HLTF: variants seen among roughly 807,000 people sequenced by gnomAD.
The protein encoded by HLTF is DNA-dependent ATPase/E3 ubiquitin-protein ligase HLTF.
HLTF carries 127 observed loss-of-function variants against 129.4 expected under a neutral mutation model. The ratio of observed to expected loss-of-function variants is 0.98; its 90% confidence interval spans 0.85 to 1.14. The LOEUF (loss-of-function observed/expected upper bound fraction) is 1.14, where lower values mean the gene tolerates loss of function less well. HLTF is among the 50% of genes most tolerant of loss of function. The pLI is 0.00. For missense variants in HLTF, 1,139 were observed against 1,187.1 expected (o/e 0.96, Z 0.60); for synonymous variants, 332 against 388.8 (o/e 0.85, Z 1.72).
intron 14 of HLTF, among the ~76,000 whole-genome samples, chr3:149,053,041 T>C (rs1717127203): frequency 2.0e-5 from 3 of 152,192 alleles, no homozygotes; most frequent in Admixed American, 6.5e-5. Context: ...AGAAGTAGGA[T>C]TGGTACCCAG....
chr3:149,044,578 G>C (rs971997906), intron 18 of HLTF, among the ~76,000 whole-genome samples: 2 of 151,856 alleles, frequency 1.3e-5, no homozygotes, highest in African/African-American at 4.8e-5. Flanking sequence ...CTTTGAACTC[G>C]ACTCTCCTAT....
In HLTF at chr3:149,060,671, T is replaced by C. The variant is rs1389062878; in HGVS notation, c.1257A>G (p.Val419=). 7.4e-6 allele frequency: 12 copies of C among 1,613,338 alleles called. No individual in the cohort carries two copies. Among genetic ancestry groups the C allele is most frequent in the Non-Finnish European group, 1.0e-5 (12 of 1,179,486 alleles). The change falls in exon 12 of 25, where the codon GTA becomes GTG. Residue 419 remains valine, a synonymous_variant. Coordinates refer to ENST00000310053, the MANE Select transcript of HLTF (RefSeq NM_003071.4). ...TCGCCCTGCCTTTAGTTTCAGACTG[T>C]ACATTTTTCAGTTTGCCTAAAAATA... ...PQKMKGKLKN[V]QSETKGRAKA... is the part of the protein sequence containing the mutation.
At chr3:149,040,599 T>C (rs930373881) in intron 20 of HLTF, among the ~76,000 whole-genome samples, 4 of 152,092 alleles carry the variant, frequency 2.6e-5, no homozygotes, top group African/African-American at 9.7e-5. Context: ...TTAAATCCTA[T>C]CAAGTTCATT....
intron 18 of HLTF, among the ~76,000 whole-genome samples, chr3:149,042,523 A>G (rs1423042659): frequency 6.6e-6 from 1 of 152,112 alleles, no homozygotes; most frequent in African/African-American, 2.4e-5. Flanking sequence ...AGATGCTGAG[A>G]GGGATGACTG....
At chr3:149,046,776 A>G (rs2107980608) in intron 17 of HLTF, among the ~76,000 whole-genome samples, 1 of 152,354 alleles carries the variant, frequency 6.6e-6, no homozygotes, top group East Asian at 1.9e-4. Flanking sequence ...AATTCAGAAC[A>G]CAGAAAAATG....
At position 149,071,405 on chromosome 3, in the gene HLTF, A is replaced by G. The variant is rs764156766; in HGVS notation, c.741T>C (p.Ala247=). 21 of 1,613,522 alleles carry G rather than the reference A, an allele frequency of 1.3e-5. No individual in the cohort carries two copies. The highest frequency in any genetic ancestry group is 1.7e-5 in the Non-Finnish European group (20 of 1,179,874). The change falls in exon 7 of 25, where the codon GCT becomes GCC. Residue 247 remains alanine, a synonymous_variant. Coordinates refer to ENST00000310053, the MANE Select transcript of HLTF (RefSeq NM_003071.4). The stretch of plus-strand genomic sequence containing the variant: ...TTTCCCGTGACACCATCCAAGCTAG[A>G]GCTTGTTTTTGATGTGGAAGCAGTG... ...ETPLLPHQKQ[A]LAWMVSRENS...
intron 13 of HLTF, among the ~76,000 whole-genome samples, chr3:149,056,835 C>G (rs1005805195): frequency 6.6e-6 from 1 of 152,130 alleles, no homozygotes; most frequent in African/African-American, 2.4e-5. Flanking sequence ...ATGGGCCGGG[C>G]GCGGTGGCTC....
Position 149,086,363 on chromosome 3 carries a change from C to G in HLTF, c.-27G>C, listed in dbSNP as rs775539806. 6 of 1,576,880 alleles carry G rather than the reference C, an allele frequency of 3.8e-6. No homozygotes were observed. The highest frequency in any genetic ancestry group is 5.2e-6 in the Non-Finnish European group (6 of 1,160,944). ...GCGCTGAGTGGGATGACAAGAGGAG[C>G]GCCTCGGCTCCCCTGGATCGTTTTC... On this transcript the variant is annotated 5_prime_UTR_variant, in exon 1 of 25. Coordinates refer to ENST00000310053, the MANE Select transcript of HLTF (RefSeq NM_003071.4).
intron 2 of HLTF, among the ~76,000 whole-genome samples, chr3:149,077,983 A>G (rs533620909): frequency 2.1e-4 from 32 of 152,238 alleles, no homozygotes; most frequent in African/African-American, 5.3e-4. Context: ...ACAAACACAC[A>G]CTAATTACAA....
intron 2 of HLTF, among the ~76,000 whole-genome samples, chr3:149,084,240 A>G (rs995492613): frequency 6.6e-6 from 1 of 152,234 alleles, no homozygotes; most frequent in African/African-American, 2.4e-5. Flanking sequence ...AAGGAAATAC[A>G]GGAGAAAAAC....
In HLTF at chr3:149,060,624, G is replaced by A. The variant is rs764912700; in HGVS notation, c.1285+19C>T. On this transcript the variant is annotated intron_variant, in intron 12 of 24. Transcript: ENST00000310053. Reference sequence around the variant, plus strand: ...AATAATCTTGAAGTCTAGATTATGGGTATATAGTATACACATACCTTTCGC... The same window carrying A: ...AATAATCTTGAAGTCTAGATTATGGATATATAGTATACACATACCTTTCGC... The A allele has an allele frequency of 7.0e-6, 11 of 1,576,090 alleles. No homozygotes were observed. The African/African-American group carries it at 9.5e-5, about 14-fold the overall frequency.
At chr3:149,077,636 A>G (rs1162844064) in intron 2 of HLTF, among the ~76,000 whole-genome samples, 8 of 151,482 alleles carry the variant, frequency 5.3e-5, no homozygotes, top group Non-Finnish European at 1.2e-4. Flanking sequence ...GCTCCAGTGT[A>G]TTTCTGGATA....
At chr3:149,080,973 T>C (rs913503493) in intron 2 of HLTF, among the ~76,000 whole-genome samples, 1 of 152,174 alleles carries the variant, frequency 6.6e-6, no homozygotes, top group Non-Finnish European at 1.5e-5. Context: ...GGCTGCCCTA[T>C]AGAAGTGTAC....
At chr3:149,036,991 C>T (rs1038931123) in intron 23 of HLTF, among the ~76,000 whole-genome samples, 20 of 152,124 alleles carry the variant, frequency 1.3e-4, no homozygotes, top group Non-Finnish European at 2.5e-4. Context: ...TTGGTATTAA[C>T]CTCTTTGGTA....
rs764876584 is a variant in HLTF at position 149,084,716 on chromosome 3, C to T, written c.194G>A (p.Gly65Asp). 1.2e-6 allele frequency: 2 copies of T among 1,613,922 alleles called. No individual in the cohort carries two copies. Among genetic ancestry groups the T allele is most frequent in the South Asian group, 1.1e-5 (1 of 91,082 alleles). Residue 65 changes from glycine (G) to aspartate (D), a missense_variant, in exon 2 of 25, where the codon GGT becomes GAT. Gly to Asp is a moderately conservative substitution (Grantham distance 94). Coordinates refer to ENST00000310053, the MANE Select transcript of HLTF (RefSeq NM_003071.4). Reference sequence around the variant, plus strand: ...GTAATAGCGTAGTCCAACCACATGACCTCTCAAACTTCCAAATAAAACGGA... The same window carrying T: ...GTAATAGCGTAGTCCAACCACATGATCTCTCAAACTTCCAAATAAAACGGA... The part of the protein sequence containing the change: ...VDSVLFGSLR[G>D]HVVGLRYYTG...
intron 4 of HLTF, among the ~76,000 whole-genome samples, chr3:149,073,928 T>C (rs1719093097): frequency 6.6e-6 from 1 of 152,172 alleles, no homozygotes; most frequent in African/African-American, 2.4e-5. Context: ...GATGTTACCA[T>C]TAGGGAAAAT....
At chr3:149,057,421 G>A (rs908164875) in intron 13 of HLTF, among the ~76,000 whole-genome samples, 5 of 151,250 alleles carry the variant, frequency 3.3e-5, no homozygotes, top group South Asian at 2.1e-4. Flanking sequence ...GTGAGACTCC[G>A]TCTCAAAACA....
At chr3:149,074,777 G>A (rs1049286111) in intron 3 of HLTF, among the ~76,000 whole-genome samples, 1 of 152,082 alleles carries the variant, frequency 6.6e-6, no homozygotes, top group East Asian at 1.9e-4. Context: ...TGAAAAAGGA[G>A]AAAACAAAGT....
Position 149,063,473 on chromosome 3 carries a change from C to T in HLTF, c.1118G>A (p.Ser373Asn). The change falls in exon 10 of 25, where the codon AGT (serine) becomes AAT (asparagine). Residue 373 changes from serine to asparagine, a missense_variant. By Grantham distance (46) the Ser-to-Asn change is conservative. Coordinates refer to ENST00000310053, the MANE Select transcript of HLTF (RefSeq NM_003071.4). ...AGACAATTCTGACATGCGAAACTTA[C>T]TCTTCTCCTTGATATCTGAAATACT... ...QPSISDIKEK[S>N]KFRMSELSSS... 3.1e-6 allele frequency: 5 copies of T among 1,611,650 alleles called. No individual in the cohort carries two copies. Among genetic ancestry groups the T allele is most frequent in the Admixed American group, 1.7e-5 (1 of 59,978 alleles).
Sources: allele counts gnomAD v4.1 joint callset (sites outside exome capture counted in the v4.1 genomes callset), GRCh38; gene constraint gnomAD v4.1.1; transcripts MANE v1.5; gene names NCBI Gene and HGNC (gene_info 2026-07-23, HGNC 2026-07-21).